Variants in CELSR1 observed in about 807,000 individuals in gnomAD.
The protein encoded by CELSR1 is cadherin EGF LAG seven-pass G-type receptor 1.
A neutral mutation model predicts 249.1 loss-of-function variants in CELSR1; 110 were observed. The ratio of observed to expected loss-of-function variants is 0.44; its 90% CI spans 0.38 to 0.52. The LOEUF is 0.52. CELSR1 is among the 20% of genes least tolerant of loss of function. The pLI is 0.00. For synonymous variants in CELSR1, 2,113 were observed against 1,900.0 expected, an observed-to-expected ratio of 1.11 and a Z score of -2.92; for missense variants, 4,109 against 4,296.4, an observed-to-expected ratio of 0.96 and a Z score of 1.22.
In CELSR1 at chr22:46,411,125, G is replaced by A. The variant is rs758642921; in HGVS notation, c.4769+477C>T. 6.6e-6 allele frequency among the ~76,000 whole-genome samples: 1 copy of A among 152,190 alleles called. No individual in the cohort carries two copies. Among genetic ancestry groups the A allele is most frequent in the Non-Finnish European group, 1.5e-5 (1 of 68,036 alleles). On this transcript the variant is annotated intron_variant, in intron 6 of 34. Coordinates refer to ENST00000674500, the MANE Select transcript of CELSR1 (RefSeq NM_001378328.1). The surrounding 1 kb of genome is among the most constrained non-coding windows in gnomAD (Gnocchi z 4.2). The stretch of plus-strand genomic sequence containing the variant: ...GTGGCAGGAGGATGGCTTGAGTCCA[G>A]GAGGTCAAGGCTTCAGTGAGCTAGA...
rs995571811 is a variant in CELSR1 at position 46,488,213 on chromosome 22, C to T, written c.3545-23868G>A. On this transcript the variant is annotated intron_variant, in intron 1 of 34. Coordinates refer to ENST00000674500, the MANE Select transcript of CELSR1 (RefSeq NM_001378328.1). The surrounding 1 kb of genome is among the most constrained non-coding windows in gnomAD (Gnocchi z 4.7). ...CAGCCACTCAGGGCTGGCATCCATC[C>T]TATTGTCTCACTGAAACTCATGACA... 6.6e-6 allele frequency among the ~76,000 whole-genome samples: 1 copy of T among 151,942 alleles called. No individual in the cohort carries two copies. The highest frequency in any genetic ancestry group is 2.4e-5 in the African/African-American group (1 of 41,324).
At position 46,390,590 on chromosome 22, in the gene CELSR1, G is replaced by A. The variant is rs1298456022; in HGVS notation, c.6251-104C>T. 3.0e-5 allele frequency: 28 copies of A among 944,236 alleles called. No homozygotes were observed. The highest frequency in any genetic ancestry group is 3.9e-5 in the Non-Finnish European group (24 of 619,356). 58.5% of individuals were successfully genotyped at this position (944,236 alleles called of 1,614,324 possible). ...AATATACTTAAACCCAGAACACTGC[G>A]TGGTGGTTAGAACCCCATGGGGGCC... On this transcript the variant is annotated intron_variant, in intron 16 of 34. Transcript: ENST00000674500. The surrounding 1 kb of genome is among the most constrained non-coding windows in gnomAD (Gnocchi z 6.3).
At chr22:46,485,785 C>T (rs1227563360) in intron 1 of CELSR1, among the ~76,000 whole-genome samples, 2 of 152,188 alleles carry the variant, frequency 1.3e-5, no homozygotes, top group East Asian at 3.9e-4. Flanking sequence ...GCCATCAGAC[C>T]CCGCAGAGGG....
At position 46,365,187 on chromosome 22, in the gene CELSR1, G is replaced by A. The variant is rs371035318; in HGVS notation, c.8554+44C>T. The A allele has an allele frequency of 2.2e-5, 35 of 1,587,592 alleles. No individual in the cohort carries two copies. In the Middle Eastern group the frequency reaches 1.9e-3, roughly 87 times the overall value. The stretch of plus-strand genomic sequence containing the variant: ...CATAGCCAAGGCCTGCCCCGAGCCC[G>A]CTGTCCACAGCCCAGCCTGGCCCAA... On this transcript the variant is annotated intron_variant, in intron 32 of 34. Coordinates refer to ENST00000674500, the MANE Select transcript of CELSR1 (RefSeq NM_001378328.1).
chr22:46,381,194 AAAAG>A lies in CELSR1; in HGVS notation c.7089-243_7089-240del, dbSNP rs1277038049. Among the ~76,000 whole-genome samples, 2 of 152,174 alleles carry A rather than the reference AAAAG, an allele frequency of 1.3e-5. No homozygotes were observed. Among genetic ancestry groups the A allele is most frequent in the African/African-American group, 2.4e-5 (1 of 41,444 alleles). On this transcript the variant is annotated intron_variant, in intron 21 of 34. Transcript: ENST00000674500. The surrounding 1 kb of genome is among the most constrained non-coding windows in gnomAD (Gnocchi z 6.0). ...GTCAAATTGGGACTTCAGAAATTTAAAAAGAAAGAGAAGGCACAGGTGCAAAGAT... is the reference window on the plus strand; with the variant it reads ...GTCAAATTGGGACTTCAGAAATTTAAAAAGAGAAGGCACAGGTGCAAAGAT...
chr22:46,535,024 G>A lies in CELSR1; in HGVS notation c.2147C>T (p.Ala716Val), dbSNP rs2080835952. Residue 716 changes from alanine to valine, a missense_variant, in exon 1 of 35, where the codon GCC becomes GTC. This residue lies in a region of CELSR1 where 886 missense variants were observed against 896.5 expected (regional missense o/e 0.99). Transcript: ENST00000674500. ...VLTLQARDRD[A>V]NSVITYQLTG... ...GAGCTGGTAGGTAATCACACTGTTG[G>A]CGTCACGGTCGCGGGCCTGCAGGGT... 6.2e-7 allele frequency: 1 copy of A among 1,612,376 alleles called. No individual in the cohort carries two copies. Among genetic ancestry groups the A allele is most frequent in the Non-Finnish European group, 8.5e-7 (1 of 1,179,914 alleles).
chr22:46,523,559 T>TAAATAAATAAATAAAA (rs1355440974), intron 1 of CELSR1, among the ~76,000 whole-genome samples: 34 of 130,862 alleles, frequency 2.6e-4, no homozygotes, highest in South Asian at 1.3e-3. Context: ...AATAAATAAA[T>TAAATAAATAAATAAAA]AAAATAAAAA....
intron 1 of CELSR1, 110 bp downstream of exon 1, chr22:46,533,516 CG>C: frequency 7.0e-7 from 1 of 1,437,344 alleles, no homozygotes; most frequent in Non-Finnish European, 9.2e-7. Flanking sequence ...CAGAGTTGCC[CG>C]GGCCCGGCCC....
chr22:46,491,800 C>T (rs1005359393), intron 1 of CELSR1, among the ~76,000 whole-genome samples: 2 of 151,540 alleles, frequency 1.3e-5, no homozygotes, highest in African/African-American at 4.9e-5. Context: ...CCACGCCCGG[C>T]TAATGTTTGT....
At chr22:46,513,244 G>A (rs1031674903) in intron 1 of CELSR1, among the ~76,000 whole-genome samples, 8 of 152,128 alleles carry the variant, frequency 5.3e-5, no homozygotes, top group Non-Finnish European at 7.3e-5. Context: ...ATCCAACTAC[G>A]GCCTTTATTC....
chr22:46,483,186 C>T (rs535804266), intron 1 of CELSR1, among the ~76,000 whole-genome samples: 152 of 152,184 alleles, frequency 1.0e-3, no homozygotes, highest in African/African-American at 3.7e-3. Flanking sequence ...ACATGACACA[C>T]AACACACTAT....
intron 2 of CELSR1, among the ~76,000 whole-genome samples, chr22:46,452,750 C>G (rs577294353): frequency 6.6e-6 from 1 of 152,298 alleles, no homozygotes; most frequent in Admixed American, 6.5e-5. Context: ...TGGGTCCTAC[C>G]TAGAGGGGAC....
chr22:46,397,980 C>T (rs375754592), intron 11 of CELSR1, 132 bp from the exon 12 acceptor site: 5 of 828,282 alleles, frequency 6.0e-6, no homozygotes, highest in Admixed American at 7.5e-5. Flanking sequence ...AGAGCTGGGG[C>T]GGGCAGGGTT....
rs1218717593 is a variant in CELSR1, at chr22:46,381,841, C to G, written c.7088+5G>C. On this transcript the variant is annotated splice_donor_5th_base_variant and intron_variant, in intron 21 of 34. Coordinates refer to ENST00000674500, the MANE Select transcript of CELSR1 (RefSeq NM_001378328.1). The surrounding 1 kb of genome is among the most constrained non-coding windows in gnomAD (Gnocchi z 6.0). ...CTCCCCGTGTGCCCCGTGCCCAGGC[C>G]TTACCGGAGGCTGCGACGGTCGGGG... The G allele has an allele frequency of 6.5e-7, 1 of 1,547,250 alleles. No homozygotes were observed. The highest frequency in any genetic ancestry group is 1.9e-5 in the Admixed American group (1 of 51,744).
chr22:46,437,778 C>T lies in CELSR1; in HGVS notation c.4406+1411G>A, dbSNP rs2147456213. Reference sequence around the variant, plus strand: ...AAAAAAAAAAAAAAAACTGATGGTTCCCAACTGTCGCCCAAACCCCCTCTC... The same window carrying T: ...AAAAAAAAAAAAAAAACTGATGGTTTCCAACTGTCGCCCAAACCCCCTCTC... On this transcript the variant is annotated intron_variant, in intron 3 of 34. Transcript: ENST00000674500. This position sits in a 1 kb window ranked among gnomAD's most constrained non-coding sequence, Gnocchi z 4.9. Among the ~76,000 whole-genome samples the T allele has an allele frequency of 6.6e-6, 1 of 151,692 alleles. No homozygotes were observed. The highest frequency in any genetic ancestry group is 1.5e-5 in the Non-Finnish European group (1 of 67,964).
intron 1 of CELSR1, among the ~76,000 whole-genome samples, chr22:46,511,802 T>C (rs769946741): frequency 4.6e-5 from 7 of 152,036 alleles, no homozygotes; most frequent in Non-Finnish European, 1.0e-4. Context: ...CTCCCTGGTA[T>C]GGGGCAGCCC....
At chr22:46,425,539 G>A (rs534014280) in intron 5 of CELSR1, among the ~76,000 whole-genome samples, 21 of 152,220 alleles carry the variant, frequency 1.4e-4, no homozygotes, top group African/African-American at 2.2e-4. Context: ...GAGTTGGTCC[G>A]TGCATCTGGG....
intron 1 of CELSR1, among the ~76,000 whole-genome samples, chr22:46,501,186 T>C (rs1035956501): frequency 8.9e-5 from 13 of 146,130 alleles, no homozygotes; most frequent in Non-Finnish European, 1.5e-4. Flanking sequence ...GCACCCGCCA[T>C]CATGCCCGGC....
Position 46,363,928 on chromosome 22 carries a change from CCT to C in CELSR1, c.9035+66_9035+67del. The C allele has an allele frequency of 8.2e-6, 12 of 1,468,630 alleles. No individual in the cohort carries two copies. Among genetic ancestry groups the C allele is most frequent in the Non-Finnish European group, 1.1e-5 (12 of 1,108,536 alleles). The allele number at this position is 1,468,630 out of a possible 1,614,324, so 91.0% of individuals were successfully genotyped here. ...GGTGTCAGGTCCCTGACCACTGCCC[CCT>C]CTCTCTCCTGACTCAGGACAAGGGG... On this transcript the variant is annotated intron_variant, in intron 34 of 34. Transcript: ENST00000674500. This position sits in a 1 kb window ranked among gnomAD's most constrained non-coding sequence, Gnocchi z 4.3.
Sources: gnomAD v4.1 joint callset for allele counts (sites outside exome capture counted in the v4.1 genomes callset) on GRCh38, gnomAD v4.1.1 for gene constraint, gnomAD v4.1.1 regional missense constraint, Gnocchi (gnomAD v3.1) non-coding constraint, MANE v1.5 for transcripts, NCBI Gene and HGNC (gene_info 2026-07-23, HGNC 2026-07-21) for gene names.